RABGAP1L: variants seen among roughly 807,000 people sequenced by gnomAD.
RABGAP1L encodes RAB GTPase activating protein 1 like, also known as rab GTPase-activating protein 1-like.
In RABGAP1L, 63 loss-of-function variants were observed where a neutral mutation model predicts 137.7. The observed-to-expected ratio is 0.46, with a 90% CI of 0.37 to 0.56. The LOEUF is 0.56. Ranked by LOEUF, RABGAP1L falls within the 20% of genes least tolerant of loss-of-function variation. The pLI is 0.00. For synonymous variants in RABGAP1L, 431 were observed against 433.7 expected (o/e 0.99, Z 0.08); for missense variants, 1,095 against 1,244.0 (o/e 0.88, Z 1.80).
intron 10 of RABGAP1L, among the ~76,000 whole-genome samples, chr1:174,295,280 C>T (rs1436375525): frequency 6.7e-6 from 1 of 150,332 alleles, no homozygotes; most frequent in South Asian, 2.1e-4. Context: ...GTGGCGCAGT[C>T]ATAGCTAACT....
intron 14 of RABGAP1L, among the ~76,000 whole-genome samples, chr1:174,640,371 C>G (rs1327907405): frequency 6.6e-6 from 1 of 152,070 alleles, no homozygotes; most frequent in East Asian, 1.9e-4. Context: ...CTTCCACATC[C>G]ACTTTTCTTT....
intron 17 of RABGAP1L, among the ~76,000 whole-genome samples, chr1:174,743,726 G>T (rs1031584315): frequency 1.3e-5 from 2 of 151,948 alleles, no homozygotes; most frequent in Non-Finnish European, 2.9e-5. Context: ...CTATGATAAA[G>T]ACTTCTAGAT....
At chr1:174,777,965 G>C (rs1047545688) in intron 18 of RABGAP1L, among the ~76,000 whole-genome samples, 1 of 152,114 alleles carries the variant, frequency 6.6e-6, no homozygotes, top group African/African-American at 2.4e-5. Context: ...GGGAGTGAAT[G>C]GTGGGCAAAA....
intron 13 of RABGAP1L, among the ~76,000 whole-genome samples, chr1:174,550,503 C>A (rs1284831018): frequency 6.6e-6 from 1 of 152,050 alleles, no homozygotes; most frequent in African/African-American, 2.4e-5. Flanking sequence ...AGTCAGCCAG[C>A]GACTACTCTT....
At chr1:174,706,429 A>C (rs1045251059) in intron 17 of RABGAP1L, among the ~76,000 whole-genome samples, 14 of 152,152 alleles carry the variant, frequency 9.2e-5, no homozygotes, top group Non-Finnish European at 2.9e-5. Flanking sequence ...CTGAAATGAA[A>C]ATCATTTTTA....
intron 4 of RABGAP1L, among the ~76,000 whole-genome samples, chr1:174,231,947 C>G (rs189967733): frequency 6.6e-6 from 1 of 152,182 alleles, no homozygotes; most frequent in African/African-American, 2.4e-5. Flanking sequence ...TAGACGGAGC[C>G]GCAGATCCAA....
intron 1 of RABGAP1L, among the ~76,000 whole-genome samples, chr1:174,170,504 A>G (rs1320878657): frequency 2.6e-5 from 4 of 151,840 alleles, no homozygotes; most frequent in Non-Finnish European, 5.9e-5. Flanking sequence ...GTGAAACCCC[A>G]TCTCTACTAA....
chr1:174,753,357 T>C (rs1684486322), intron 18 of RABGAP1L, among the ~76,000 whole-genome samples: 1 of 152,156 alleles, frequency 6.6e-6, no homozygotes, highest in Admixed American at 6.5e-5. Context: ...GAGGACCTCT[T>C]GATACGTTAG....
At position 174,516,120 on chromosome 1, in the gene RABGAP1L, TACACACACACAC is replaced by T. The variant is rs61414923; in HGVS notation, c.1711-121220_1711-121209del. 6.1e-3 allele frequency among the ~76,000 whole-genome samples: 819 copies of T among 133,296 alleles called. 11 individuals carry two copies. Among genetic ancestry groups the T allele is most frequent in the South Asian group, 7.3e-3 (29 of 3,966 alleles). The allele number at this position is 133,296 out of a possible 152,430, so 87.4% of individuals were successfully genotyped here. ...AGTCAAGGGATGAAAACTGAAGCTC[TACACACACACAC>T]ACACACACACACACACACACACACA... On this transcript the variant is annotated intron_variant, in intron 13 of 25. Transcript: ENST00000681986.
intron 18 of RABGAP1L, among the ~76,000 whole-genome samples, chr1:174,795,470 A>G (rs1793319): frequency 0.5 from 75,618 of 152,050 alleles, 21,332 homozygotes; most frequent in East Asian, 0.71. Flanking sequence ...CCTTCCTACA[A>G]TTTGTCACCC....
intron 1 of RABGAP1L, among the ~76,000 whole-genome samples, chr1:174,169,670 A>G (rs1665184289): frequency 6.6e-6 from 1 of 152,058 alleles, no homozygotes; most frequent in Non-Finnish European, 1.5e-5. Context: ...TTTTCTAAAG[A>G]CAGACCTTTA....
At chr1:174,275,474 T>G (rs1348512047) in intron 8 of RABGAP1L, among the ~76,000 whole-genome samples, 2 of 152,152 alleles carry the variant, frequency 1.3e-5, no homozygotes, top group African/African-American at 4.8e-5. Flanking sequence ...ATTATTGTTT[T>G]AATAGAAACC....
intron 1 of RABGAP1L, among the ~76,000 whole-genome samples, chr1:174,182,165 G>T (rs1666423762): frequency 6.6e-6 from 1 of 152,018 alleles, no homozygotes; most frequent in Non-Finnish European, 1.5e-5. Flanking sequence ...AACCCTAATT[G>T]GCTTCATATT....
intron 19 of RABGAP1L, among the ~76,000 whole-genome samples, chr1:174,926,435 T>C (rs780069868): frequency 6.6e-6 from 1 of 152,188 alleles, no homozygotes; most frequent in Non-Finnish European, 1.5e-5. Context: ...TCTTTTATGT[T>C]AACAAAAGTT....
At chr1:174,288,096 T>G (rs1011689163) in intron 10 of RABGAP1L, among the ~76,000 whole-genome samples, 19 of 152,196 alleles carry the variant, frequency 1.2e-4, no homozygotes, top group Non-Finnish European at 2.6e-4. Context: ...ATACAAAAAT[T>G]CTACACTTTT....
chr1:174,259,534 A>G (rs1046404790), intron 7 of RABGAP1L, among the ~76,000 whole-genome samples: 13 of 152,206 alleles, frequency 8.5e-5, no homozygotes, highest in African/African-American at 2.9e-4. Context: ...AAAGTATATA[A>G]AAGTTTATAA....
At chr1:174,432,837 A>T (rs1031595657) in intron 13 of RABGAP1L, among the ~76,000 whole-genome samples, 7 of 152,100 alleles carry the variant, frequency 4.6e-5, no homozygotes, top group African/African-American at 1.7e-4. Flanking sequence ...TGCCTGGCTG[A>T]TATTTCTTTT....
At chr1:174,970,975 A>C (rs1345804512) in intron 21 of RABGAP1L, among the ~76,000 whole-genome samples, 6 of 151,996 alleles carry the variant, frequency 3.9e-5, no homozygotes, top group South Asian at 2.1e-4. Flanking sequence ...TTTGCATCTA[A>C]ATTTCAAGGG....
intron 13 of RABGAP1L, among the ~76,000 whole-genome samples, chr1:174,516,969 A>AAATAAAAT (rs1458871932): frequency 6.8e-6 from 1 of 146,264 alleles, no homozygotes; most frequent in African/African-American, 2.6e-5. Flanking sequence ...ATAAATAAAT[A>AAATAAAAT]AAATAAATTA....
Sources: gnomAD v4.1 joint callset for allele counts (sites outside exome capture counted in the v4.1 genomes callset) on GRCh38, gnomAD v4.1.1 for gene constraint, MANE v1.5 for transcripts, NCBI Gene and HGNC (gene_info 2026-07-23, HGNC 2026-07-21) for gene names.